The following UGT1A7 variants were observed in gnomAD, a reference collection of about 807,000 sequenced individuals.
UGT1A7 encodes UDP glucuronosyltransferase family 1 member A7.
Under a neutral mutation model 45.6 loss-of-function variants are expected in UGT1A7, and 33 were observed. The observed-to-expected ratio is 0.72, with a 90% confidence interval of 0.55 to 0.97. The LOEUF is 0.97. UGT1A7 is among the 50% of genes least tolerant of loss of function. UGT1A7 has a pLI of 0.00. For synonymous variants in UGT1A7, 274 were observed against 250.6 expected (o/e 1.09, Z -0.88); for missense variants, 684 against 666.2 (o/e 1.03, Z -0.29).
chr2:233,701,223 G>C (rs1559351682), intron 1 of UGT1A7, among the ~76,000 whole-genome samples: 1 of 152,114 alleles, frequency 6.6e-6, no homozygotes, highest in East Asian at 1.9e-4. Flanking sequence ...ATAATCCTTT[G>C]GGTATATACC....
chr2:233,721,828 C>A, intron 1 of UGT1A7: 1 of 516,354 alleles, frequency 1.9e-6, no homozygotes, highest in South Asian at 1.4e-5. Context: ...CTATTTGGGC[C>A]ACCGACCTTG....
chr2:233,755,121 G>T, intron 1 of UGT1A7: 1 of 1,328,504 alleles, frequency 7.5e-7, no homozygotes. Context: ...GTAGGCCTCA[G>T]CCACCTGCTT....
intron 1 of UGT1A7, among the ~76,000 whole-genome samples, chr2:233,749,373 T>C (rs1474844214): frequency 3.9e-5 from 6 of 151,924 alleles, no homozygotes; most frequent in Non-Finnish European, 7.3e-5. Flanking sequence ...TGCCCTTTTC[T>C]TCCAGTTTTT....
In UGT1A7 at chr2:233,698,217, GAATTA is replaced by G. The variant is rs370522111; in HGVS notation, c.855+15433_855+15437del. ...ATCAACATGCACTTTTAATTATTAG[GAATTA>G]AATTAAAGTGATCAAAATAGAATTT... On this transcript the variant is annotated intron_variant, in intron 1 of 4. Coordinates refer to ENST00000373426, the MANE Select transcript of UGT1A7 (RefSeq NM_019077.3). Among the ~76,000 whole-genome samples, 5 of 152,050 alleles carry G rather than the reference GAATTA, an allele frequency of 3.3e-5. No individual in the cohort carries two copies. The East Asian group carries it at 5.8e-4, about 18-fold the overall frequency.
chr2:233,697,746 G>C (rs1034433125), intron 1 of UGT1A7, among the ~76,000 whole-genome samples: 10 of 151,906 alleles, frequency 6.6e-5, no homozygotes, highest in Non-Finnish European at 1.5e-4. Context: ...TTTTGCTATA[G>C]CCCATAGATT....
intron 1 of UGT1A7, among the ~76,000 whole-genome samples, chr2:233,757,057 G>A (rs1201778154): frequency 6.6e-6 from 1 of 151,606 alleles, no homozygotes; most frequent in Non-Finnish European, 1.5e-5. Flanking sequence ...TTGGGGAACA[G>A]CAAGGGATCC....
Position 233,772,392 on chromosome 2 carries a change from C to T in UGT1A7, c.1426C>T (p.His476Tyr), listed in dbSNP as rs753109787. 4 of 1,614,252 alleles carry T rather than the reference C, an allele frequency of 2.5e-6. No homozygotes were observed. Among genetic ancestry groups the T allele is most frequent in the East Asian group, 2.2e-5 (1 of 44,876 alleles). ...KGAPHLRPAA[H>Y]DLTWYQYHSL... is the part of the protein sequence containing the mutation. Reference sequence around the variant, plus strand: ...CGCGCCACACCTGCGCCCCGCAGCCCACGACCTCACCTGGTACCAGTACCA... The same window carrying T: ...CGCGCCACACCTGCGCCCCGCAGCCTACGACCTCACCTGGTACCAGTACCA... Residue 476 changes from histidine (H) to tyrosine (Y), a missense_variant, in exon 5 of 5, where the codon CAC (histidine) becomes TAC (tyrosine). Coordinates refer to ENST00000373426, the MANE Select transcript of UGT1A7 (RefSeq NM_019077.3).
chr2:233,730,800 A>G (rs1400494303), intron 1 of UGT1A7, among the ~76,000 whole-genome samples: 1 of 152,180 alleles, frequency 6.6e-6, no homozygotes, highest in Non-Finnish European at 1.5e-5. Context: ...TGATGAATGG[A>G]CATGCGTCCA....
In UGT1A7 at chr2:233,772,415, C is replaced by T. The variant is rs142077822; in HGVS notation, c.1449C>T (p.Tyr483=). The T allele has an allele frequency of 1.4e-5, 22 of 1,614,112 alleles. No homozygotes were observed. The highest frequency in any genetic ancestry group is 1.9e-5 in the Non-Finnish European group (22 of 1,180,056). Residue 483 remains tyrosine (Y), a synonymous_variant, in exon 5 of 5, where the codon TAC becomes TAT. Transcript: ENST00000373426. ...PAAHDLTWYQ[Y]HSLDVIGFLL... ...CCCACGACCTCACCTGGTACCAGTA[C>T]CATTCCTTGGACGTGATTGGTTTCC...
intron 1 of UGT1A7, among the ~76,000 whole-genome samples, chr2:233,758,641 A>G (rs1696933975): frequency 6.6e-6 from 1 of 152,212 alleles, no homozygotes; most frequent in Non-Finnish European, 1.5e-5. Flanking sequence ...TCTAAGGAGA[A>G]GAATGAGAGG....
At chr2:233,729,286 A>G (rs751108537) in intron 1 of UGT1A7, 2 of 1,614,248 alleles carry the variant, frequency 1.2e-6, no homozygotes, top group Non-Finnish European at 1.7e-6. Context: ...GCTCCATGCC[A>G]GAGGCCACCA....
chr2:233,727,024 C>A (rs1363887346), intron 1 of UGT1A7, among the ~76,000 whole-genome samples: 2 of 152,054 alleles, frequency 1.3e-5, no homozygotes, highest in African/African-American at 4.8e-5. Flanking sequence ...TGTTTTTGTA[C>A]CCTAAGGAAT....
At chr2:233,763,181 G>A (rs1559409754) in intron 1 of UGT1A7, among the ~76,000 whole-genome samples, 1 of 152,170 alleles carries the variant, frequency 6.6e-6, no homozygotes. Flanking sequence ...CTACATATTT[G>A]TTGTTGCCTT....
intron 1 of UGT1A7, among the ~76,000 whole-genome samples, chr2:233,698,550 C>A (rs1019972453): frequency 5.3e-5 from 8 of 152,128 alleles, no homozygotes; most frequent in Non-Finnish European, 1.0e-4. Flanking sequence ...GAGTGGCCAA[C>A]AAAACTTTAA....
At chr2:233,770,232 T>C (rs980234122) in intron 4 of UGT1A7, 2 of 152,214 alleles carry the variant, frequency 1.3e-5, no homozygotes, top group Non-Finnish European at 2.9e-5. Flanking sequence ...ATTGTGAATC[T>C]CCATGATTCC....
At chr2:233,727,138 C>A (rs1201449660) in intron 1 of UGT1A7, among the ~76,000 whole-genome samples, 2 of 152,162 alleles carry the variant, frequency 1.3e-5, no homozygotes, top group Non-Finnish European at 2.9e-5. Context: ...GGGAACAAGA[C>A]CACACAGGTC....
At chr2:233,747,144 A>C in intron 1 of UGT1A7, 1 of 1,563,462 alleles carries the variant, frequency 6.4e-7, no homozygotes, top group Non-Finnish European at 8.7e-7. Context: ...CAAGGTAATT[A>C]AGATGAAGAA....
At chr2:233,762,169 G>A (rs1019594932) in intron 1 of UGT1A7, among the ~76,000 whole-genome samples, 34 of 152,020 alleles carry the variant, frequency 2.2e-4, no homozygotes, top group Non-Finnish European at 2.4e-4. Flanking sequence ...CACTGTATGC[G>A]GCGTCCTCAA....
intron 1 of UGT1A7, among the ~76,000 whole-genome samples, chr2:233,724,360 G>T (rs1455285943): frequency 2.7e-5 from 4 of 146,576 alleles, no homozygotes; most frequent in Non-Finnish European, 4.5e-5. Context: ...CCTCCCTCCC[G>T]GACGGGGTGG....
Sources: gnomAD v4.1 joint callset for allele counts (sites outside exome capture counted in the v4.1 genomes callset) on GRCh38, gnomAD v4.1.1 for gene constraint, MANE v1.5 for transcripts, NCBI Gene and HGNC (gene_info 2026-07-23, HGNC 2026-07-21) for gene names.